ITGA1: variants seen among roughly 807,000 people sequenced by gnomAD.
ITGA1 encodes integrin alpha-1.
ITGA1 carries 85 observed loss-of-function variants against 145.9 expected under a neutral mutation model. The observed-to-expected ratio is 0.58, with a 90% CI of 0.49 to 0.70. The LOEUF is 0.70. ITGA1 is among the 30% of genes least tolerant of loss of function. The pLI is 0.00. For synonymous variants in ITGA1, 520 were observed against 495.3 expected (o/e 1.05, Z -0.66); for missense variants, 1,351 against 1,418.7 (o/e 0.95, Z 0.77).
In ITGA1 at chr5:52,798,288, G is replaced by C. The variant is rs926328009; in HGVS notation, c.61+9874G>C. On this transcript the variant is annotated intron_variant, in intron 1 of 28. Transcript: ENST00000282588. ...GGTGGGAAGAAGGAGGAAGTAAGGG[G>C]AGACATAGAGAGCGAGAAACAAAGA... Among the ~76,000 whole-genome samples, 18 of 152,118 alleles carry C rather than the reference G, an allele frequency of 1.2e-4. 1 individual carries two copies. In the East Asian group the frequency reaches 3.5e-3, roughly 29 times the overall value.
chr5:52,837,125 T>C (rs920120343), intron 1 of ITGA1, among the ~76,000 whole-genome samples: 7 of 152,090 alleles, frequency 4.6e-5, no homozygotes, highest in Non-Finnish European at 8.8e-5. Flanking sequence ...TCAGAACCAA[T>C]TGGGAAATGA....
chr5:52,800,032 G>A (rs537513290), intron 1 of ITGA1: 137 of 289,524 alleles, frequency 4.7e-4, no homozygotes, highest in Admixed American at 2.0e-3. Context: ...CTGCGGCCCC[G>A]CCTCTCCTTT....
rs139767410 is a variant in ITGA1 at position 52,836,528 on chromosome 5, G to C, written c.62-12837G>C. 9.0e-3 allele frequency among the ~76,000 whole-genome samples: 1,369 copies of C among 152,224 alleles called. 11 individuals are homozygous for C. The highest frequency in any genetic ancestry group is 0.014 in the Non-Finnish European group (977 of 68,008). On this transcript the variant is annotated intron_variant, in intron 1 of 28. Coordinates refer to ENST00000282588, the MANE Select transcript of ITGA1 (RefSeq NM_181501.2). ...ATCTCAGTCATGTACACCAGAATAT[G>C]AATGCGAGATGACAGCTCCCATAAC...
At chr5:52,924,801 T>G (rs1299839902) in intron 18 of ITGA1, among the ~76,000 whole-genome samples, 1 of 152,090 alleles carries the variant, frequency 6.6e-6, no homozygotes, top group Non-Finnish European at 1.5e-5. Flanking sequence ...CTTGGTGAGT[T>G]ACATATGGTG....
At chr5:52,917,022 C>T (rs2447869) in intron 15 of ITGA1, among the ~76,000 whole-genome samples, 69,661 of 151,982 alleles carry the variant, frequency 0.46, 16,839 homozygotes, top group Non-Finnish European at 0.53. Flanking sequence ...ATGGACCAAA[C>T]CGATATACTG....
chr5:52,806,133 A>G (rs1748584312), intron 1 of ITGA1, among the ~76,000 whole-genome samples: 1 of 152,074 alleles, frequency 6.6e-6, no homozygotes, highest in Non-Finnish European at 1.5e-5. Context: ...TAAGAGATTC[A>G]GTATTTTAGA....
intron 11 of ITGA1, among the ~76,000 whole-genome samples, chr5:52,898,810 C>T (rs1183984605): frequency 3.9e-5 from 6 of 152,082 alleles, no homozygotes; most frequent in Non-Finnish European, 8.8e-5. Context: ...TCTATGGGTC[C>T]TAATTTGGGA....
chr5:52,907,393 C>G (rs1174147558), intron 12 of ITGA1, among the ~76,000 whole-genome samples: 1 of 152,120 alleles, frequency 6.6e-6, no homozygotes, highest in African/African-American at 2.4e-5. Context: ...TAAAATGAAG[C>G]ATTTTAGATG....
At chr5:52,912,942 T>C (rs1278165439) in intron 14 of ITGA1, among the ~76,000 whole-genome samples, 7 of 151,928 alleles carry the variant, frequency 4.6e-5, no homozygotes, top group Admixed American at 4.6e-4. Context: ...GAGACGGGGT[T>C]TCACCGTGTT....
chr5:52,926,472 C>T (rs561466002), intron 19 of ITGA1, among the ~76,000 whole-genome samples: 5 of 148,774 alleles, frequency 3.4e-5, no homozygotes, highest in Non-Finnish European at 5.9e-5. Context: ...CATGGTGGCA[C>T]ACACCTGTAG....
intron 1 of ITGA1, among the ~76,000 whole-genome samples, chr5:52,820,419 GC>G (rs1407967035): frequency 6.7e-6 from 1 of 148,484 alleles, no homozygotes; most frequent in East Asian, 2.0e-4. Flanking sequence ...TACACCTAAT[GC>G]TAAATGACGA....
chr5:52,788,347 T>C lies in ITGA1; in HGVS notation c.-7T>C. ...CGCGGCCCCCTGGCGCTGAGGCTGCTCCGGCCATGGCCCCTCGGCCCCGCG... is the reference window on the plus strand; with the variant it reads ...CGCGGCCCCCTGGCGCTGAGGCTGCCCCGGCCATGGCCCCTCGGCCCCGCG... On this transcript the variant is annotated 5_prime_UTR_variant, in exon 1 of 29. Transcript: ENST00000282588. 6.6e-7 allele frequency: 1 copy of C among 1,504,694 alleles called. No individual in the cohort carries two copies. Among genetic ancestry groups the C allele is most frequent in the Non-Finnish European group, 8.8e-7 (1 of 1,131,760 alleles). 93.2% of individuals were successfully genotyped at this position (1,504,694 alleles called of 1,614,324 possible).
intron 1 of ITGA1, chr5:52,800,537 A>C: frequency 6.2e-7 from 1 of 1,614,114 alleles, no homozygotes; most frequent in East Asian, 2.2e-5. Context: ...CGCAAGGTAC[A>C]GACAGAGTCC....
At chr5:52,903,849 T>G (rs1415607627) in intron 11 of ITGA1, 2 of 152,210 alleles carry the variant, frequency 1.3e-5, no homozygotes, top group African/African-American at 4.8e-5. Context: ...CACTCAAAAA[T>G]TAATCTTAAA....
chr5:52,834,313 G>A (rs578039248), intron 1 of ITGA1, among the ~76,000 whole-genome samples: 1 of 152,102 alleles, frequency 6.6e-6, no homozygotes, highest in South Asian at 2.1e-4. Flanking sequence ...GAAGCTAGAA[G>A]GCCAAAATCA....
chr5:52,798,017 TCTC>T (rs1367446276), intron 1 of ITGA1, among the ~76,000 whole-genome samples: 17 of 152,212 alleles, frequency 1.1e-4, no homozygotes, highest in Non-Finnish European at 1.8e-4. Flanking sequence ...TTCAAAATTA[TCTC>T]CTCATTCTCT....
At chr5:52,836,373 G>T (rs1281681838) in intron 1 of ITGA1, among the ~76,000 whole-genome samples, 1 of 152,220 alleles carries the variant, frequency 6.6e-6, no homozygotes, top group Non-Finnish European at 1.5e-5. Flanking sequence ...AGGAACTAGT[G>T]AAAATTCTAG....
In ITGA1 at chr5:52,881,948, C is replaced by T; in HGVS notation, c.700C>T (p.Leu234Phe). ...LNKYSSTEEV[L>F]VAAKKIVQRG... is the part of the protein sequence containing the mutation. ...TAAGTATTCTTCCACCGAAGAGGTA[C>T]TTGTTGCAGCAAAGAAAATAGTCCA... The change falls in exon 7 of 29, where the codon CTT becomes TTT. Residue 234 changes from leucine (L) to phenylalanine (F), a missense_variant. Leu to Phe is a conservative substitution (Grantham distance 22). Coordinates refer to ENST00000282588, the MANE Select transcript of ITGA1 (RefSeq NM_181501.2). 2 of 1,613,838 alleles carry T rather than the reference C, an allele frequency of 1.2e-6. No homozygotes were observed. Among genetic ancestry groups the T allele is most frequent in the Non-Finnish European group, 1.7e-6 (2 of 1,179,836 alleles).
chr5:52,834,942 A>G (rs1372695946), intron 1 of ITGA1, among the ~76,000 whole-genome samples: 2 of 152,180 alleles, frequency 1.3e-5, no homozygotes, highest in African/African-American at 2.4e-5. Context: ...ACAAGAGTTC[A>G]TAACTGAGAG....
Sources: gnomAD v4.1 joint callset for allele counts (sites outside exome capture counted in the v4.1 genomes callset) on GRCh38, gnomAD v4.1.1 for gene constraint, MANE v1.5 for transcripts, NCBI Gene and HGNC (gene_info 2026-07-23, HGNC 2026-07-21) for gene names.